The following HGSNAT variants were observed in gnomAD, a reference collection of about 807,000 sequenced individuals.
HGSNAT encodes transmembrane protein 76.
HGSNAT carries 59 observed loss-of-function variants against 85.2 expected under a neutral mutation model. That is an observed-to-expected ratio of 0.69 (90% confidence interval 0.56 to 0.86). The LOEUF (loss-of-function observed/expected upper bound fraction) is 0.86, where lower values mean the gene tolerates loss of function less well. HGSNAT is among the 40% of genes least tolerant of loss of function. The pLI, the probability that HGSNAT is intolerant of heterozygous loss-of-function variation, is 0.00. For missense variants in HGSNAT, 756 were observed against 777.1 expected (o/e 0.97, Z 0.32); for synonymous variants, 321 against 304.5 (o/e 1.05, Z -0.56).
chr8:43,184,156 T>C (rs1427089085), intron 11 of HGSNAT, among the ~76,000 whole-genome samples: 2 of 152,258 alleles, frequency 1.3e-5, no homozygotes, highest in African/African-American at 2.4e-5. Flanking sequence ...TACCCAGTAA[T>C]GGGATGGCTG....
intron 9 of HGSNAT, among the ~76,000 whole-genome samples, chr8:43,176,715 ATTTC>A (rs1803824715): frequency 6.6e-6 from 1 of 152,056 alleles, no homozygotes; most frequent in South Asian, 2.1e-4. Context: ...GCCCTCTTCA[ATTTC>A]TTTCATCAGT....
In HGSNAT at chr8:43,169,257, G is replaced by A; in HGVS notation, c.633+15G>A. The A allele has an allele frequency of 6.5e-7, 1 of 1,526,842 alleles. No homozygotes were observed. Among genetic ancestry groups the A allele is most frequent in the African/African-American group, 1.4e-5 (1 of 73,428 alleles). The allele number at this position is 1,526,842 out of a possible 1,614,324, so 94.6% of individuals were successfully genotyped here. ...TCATCAATTCTGTAAGTTATGAGAT[G>A]CATAGTGTATTGCCCAGGTGGTTTT... On this transcript the variant is annotated intron_variant, in intron 6 of 17. Coordinates refer to ENST00000379644, the MANE Select transcript of HGSNAT (RefSeq NM_152419.3).
At chr8:43,148,164 C>T (rs1225118647) in intron 2 of HGSNAT, among the ~76,000 whole-genome samples, 1 of 151,866 alleles carries the variant, frequency 6.6e-6, no homozygotes, top group Non-Finnish European at 1.5e-5. Context: ...ATCGCTTGAA[C>T]CCAGGAGGTG....
intron 14 of HGSNAT, among the ~76,000 whole-genome samples, chr8:43,195,518 AGAAGAGGAG>A (rs767548641): frequency 0.011 from 1,378 of 128,172 alleles, 10 homozygotes; most frequent in Non-Finnish European, 0.016. Flanking sequence ...AGGAGGAGGA[AGAAGAGGAG>A]GAAGAGGAGG....
rs1803883258 is a variant in HGSNAT, at chr8:43,178,218, T to C, written c.996T>C (p.Asn332=). Residue 332 remains asparagine (N), a synonymous_variant, in exon 10 of 18, where the codon AAT becomes AAC. Coordinates refer to ENST00000379644, the MANE Select transcript of HGSNAT (RefSeq NM_152419.3). The part of the protein sequence containing the change: ...ICIGIIIVNP[N]YCLGPLSWDK... ...TAGGAATTATCATTGTGAATCCCAA[T>C]TATTGCCTTGGTCCATGTAAGTACT... 2 of 1,550,338 alleles carry C rather than the reference T, an allele frequency of 1.3e-6. No homozygotes were observed. Among genetic ancestry groups the C allele is most frequent in the South Asian group, 2.5e-5 (2 of 78,800 alleles).
intron 9 of HGSNAT, among the ~76,000 whole-genome samples, chr8:43,177,320 G>A (rs1302248590): frequency 6.6e-6 from 1 of 151,934 alleles, no homozygotes; most frequent in Non-Finnish European, 1.5e-5. Context: ...GGGAGGCCGA[G>A]GCGGGCGGAT....
At chr8:43,171,292 C>T (rs973318530) in intron 7 of HGSNAT, among the ~76,000 whole-genome samples, 14 of 152,256 alleles carry the variant, frequency 9.2e-5, no homozygotes, top group African/African-American at 3.4e-4. Context: ...TAACTTTGCC[C>T]CAGTCTCACC....
rs1377915911 is a variant in HGSNAT, at chr8:43,158,560, T to C, written c.235-15T>C. On this transcript the variant is annotated splice_polypyrimidine_tract_variant and intron_variant, in intron 2 of 17. Transcript: ENST00000379644. ...AAAACCTCTGGCGGTTGACCTGTTG[T>C]GCTTTTATTTACAGTGCTTGTTTCA... The C allele has an allele frequency of 6.2e-7, 1 of 1,613,766 alleles. No individual in the cohort carries two copies. Among genetic ancestry groups the C allele is most frequent in the Non-Finnish European group, 8.5e-7 (1 of 1,179,826 alleles).
chr8:43,157,212 C>T (rs1190908254), intron 2 of HGSNAT, among the ~76,000 whole-genome samples: 1 of 152,032 alleles, frequency 6.6e-6, no homozygotes, highest in Non-Finnish European at 1.5e-5. Context: ...CAGTGTTTCA[C>T]ACCATAGGAA....
intron 5 of HGSNAT, among the ~76,000 whole-genome samples, chr8:43,164,293 T>C (rs142368876): frequency 2.3e-3 from 358 of 152,358 alleles, no homozygotes; most frequent in African/African-American, 8.3e-3. Flanking sequence ...CCCTGTGTTA[T>C]TGTGCTTTGC....
At chr8:43,192,840 C>T (rs1445222042) in intron 13 of HGSNAT, among the ~76,000 whole-genome samples, 2 of 152,076 alleles carry the variant, frequency 1.3e-5, no homozygotes, top group Admixed American at 6.5e-5. Flanking sequence ...CTTTTCTGTA[C>T]GTCTCAGGTC....
At chr8:43,140,980 G>A (rs1163196399) in intron 1 of HGSNAT, among the ~76,000 whole-genome samples, 1 of 152,208 alleles carries the variant, frequency 6.6e-6, no homozygotes. Context: ...CGGGCCAGCC[G>A]AGGATCGGGG....
rs1016164503 is a variant in HGSNAT at position 43,192,366 on chromosome 8, C to G, written c.1313C>G (p.Ala438Gly). The G allele has an allele frequency of 6.2e-7, 1 of 1,612,800 alleles. No individual in the cohort carries two copies. Among genetic ancestry groups the G allele is most frequent in the Non-Finnish European group, 8.5e-7 (1 of 1,179,522 alleles). The stretch of plus-strand genomic sequence containing the variant: ...AAGTATCCAAATTGCACTGGAGGAG[C>G]TGCAGGCTACATCGACCGCCTGCTG... Reference protein sequence around the residue: ...FGKYPNCTGGAAGYIDRLLLG... With the variant: ...FGKYPNCTGGGAGYIDRLLLG... Residue 438 changes from alanine (A) to glycine (G), a missense_variant, in exon 13 of 18, where the codon GCT (alanine) becomes GGT (glycine). Physicochemically the swap from Ala to Gly is moderately conservative, Grantham distance 60. Coordinates refer to ENST00000379644, the MANE Select transcript of HGSNAT (RefSeq NM_152419.3).
chr8:43,195,485 GGAGGAGAAGGAA>G (rs1804674325), intron 14 of HGSNAT, among the ~76,000 whole-genome samples: 1 of 150,728 alleles, frequency 6.6e-6, no homozygotes, highest in Non-Finnish European at 1.5e-5. Context: ...AGTAGTAGGA[GGAGGAGAAGGAA>G]GAGGAGGAGG....
intron 2 of HGSNAT, among the ~76,000 whole-genome samples, chr8:43,157,514 G>T (rs564596993): frequency 2.0e-5 from 3 of 152,084 alleles, no homozygotes; most frequent in Non-Finnish European, 4.4e-5. Flanking sequence ...GGTGGCTTAT[G>T]CCTGTAATCC....
Position 43,158,676 on chromosome 8 carries a change from G to T in HGSNAT, c.336G>T (p.Gln112His), listed in dbSNP as rs766112834. 4 of 1,612,538 alleles carry T rather than the reference G, an allele frequency of 2.5e-6. No homozygotes were observed. Among genetic ancestry groups the T allele is most frequent in the Non-Finnish European group, 3.4e-6 (4 of 1,179,048 alleles). ...SVSTQHGSILQLNDTLEEKEV... is the reference protein window; with the variant it reads ...SVSTQHGSILHLNDTLEEKEV... ...GCACCCAGCACGGATCTATCCTGCA[G>T]CTGAACGACACCTTGGAAGAGAAAG... Residue 112 changes from glutamine to histidine, a missense_variant, in exon 3 of 18, where the codon CAG becomes CAT. Coordinates refer to ENST00000379644, the MANE Select transcript of HGSNAT (RefSeq NM_152419.3).
intron 2 of HGSNAT, among the ~76,000 whole-genome samples, chr8:43,152,253 T>C (rs1239357654): frequency 2.0e-5 from 3 of 152,068 alleles, no homozygotes; most frequent in Admixed American, 6.6e-5. Flanking sequence ...AGCATGCCAT[T>C]GCACTCCAGC....
rs571341931 is a variant in HGSNAT at position 43,158,156 on chromosome 8, T to C, written c.235-419T>C. Among the ~76,000 whole-genome samples the C allele has an allele frequency of 7.2e-5, 11 of 152,298 alleles. No individual in the cohort carries two copies. In the South Asian group the frequency reaches 2.3e-3, roughly 32 times the overall value. ...GCTCTCTTGCCAGGCTGGAGTGCAG[T>C]GGCGTGATCTCAGCTCACTGCAACC... On this transcript the variant is annotated intron_variant, in intron 2 of 17. Transcript: ENST00000379644.
chr8:43,172,373 T>C lies in HGSNAT; in HGVS notation c.807T>C (p.His269=), dbSNP rs750259126. 1.2e-6 allele frequency: 2 copies of C among 1,605,562 alleles called. No homozygotes were observed. Among genetic ancestry groups the C allele is most frequent in the East Asian group, 4.5e-5 (2 of 44,860 alleles). The change falls in exon 8 of 18, where the codon CAT becomes CAC. Residue 269 remains histidine (H), a synonymous_variant. Coordinates refer to ENST00000379644, the MANE Select transcript of HGSNAT (RefSeq NM_152419.3). ...GAGGAAAATATTGGTACTTCAAACA[T>C]GCAAGTTGGAATGGTAAGATATTTC... The part of the protein sequence containing the change: ...YGGGKYWYFK[H]ASWNGLTVAD...
Sources: gnomAD v4.1 joint callset for allele counts (sites outside exome capture counted in the v4.1 genomes callset) on GRCh38, gnomAD v4.1.1 for gene constraint, MANE v1.5 for transcripts, NCBI Gene and HGNC (gene_info 2026-07-23, HGNC 2026-07-21) for gene names.